NEO1: variants seen among roughly 807,000 people sequenced by gnomAD.
NEO1 encodes the protein neogenin.
A neutral mutation model predicts 159.7 loss-of-function variants in NEO1; 63 were observed. The observed-to-expected ratio is 0.39, with a 90% CI of 0.32 to 0.49. NEO1 has a LOEUF of 0.49. NEO1 is among the 20% of genes least tolerant of loss of function. The pLI is 0.85. For synonymous variants in NEO1, 633 were observed against 662.0 expected (o/e 0.96, Z 0.67); for missense variants, 1,615 against 1,831.0 (o/e 0.88, Z 2.15).
chr15:73,149,980 C>T (rs2033243711), intron 5 of NEO1, among the ~76,000 whole-genome samples: 1 of 152,138 alleles, frequency 6.6e-6, no homozygotes, highest in East Asian at 1.9e-4. Flanking sequence ...TAGGTTTGTA[C>T]CCATTTACCA....
In NEO1 at chr15:73,265,575, G is replaced by C. The variant is rs185938561; in HGVS notation, c.2399-741G>C. ...GCACATGTGTATTATGGTTGCTCTT[G>C]CCCCTTTTCCCAATCTCAGTGAATG... On this transcript the variant is annotated intron_variant, in intron 15 of 28. Coordinates refer to ENST00000261908, the MANE Select transcript of NEO1 (RefSeq NM_002499.4). 2.9e-4 allele frequency among the ~76,000 whole-genome samples: 44 copies of C among 152,310 alleles called. No individual in the cohort carries two copies. The East Asian group carries it at 7.1e-3, about 25-fold the overall frequency.
intron 7 of NEO1, among the ~76,000 whole-genome samples, chr15:73,211,749 G>A (rs189151688): frequency 1.8e-3 from 250 of 141,940 alleles, no homozygotes; most frequent in African/African-American, 5.9e-3. Flanking sequence ...TGGAATTTGT[G>A]CAGCAGGCTA....
At chr15:73,119,783 ACATTTTAAAAATTATTAATTTT>A (rs2071526640) in intron 2 of NEO1, among the ~76,000 whole-genome samples, 1 of 152,204 alleles carries the variant, frequency 6.6e-6, no homozygotes, top group Admixed American at 6.5e-5. Flanking sequence ...TTGTGAGCTT[ACATTTTAAAAATTATTAATTTT>A]CATGAGACCT....
At chr15:73,247,247 C>A in intron 9 of NEO1, among the ~76,000 whole-genome samples, 1 of 152,060 alleles carries the variant, frequency 6.6e-6, no homozygotes, top group African/African-American at 2.4e-5. Context: ...AATGTTGGAA[C>A]CAGCCCTTGG....
chr15:73,102,624 A>G (rs909022109), intron 1 of NEO1, among the ~76,000 whole-genome samples: 5 of 152,080 alleles, frequency 3.3e-5, no homozygotes, highest in African/African-American at 1.2e-4. Context: ...CCTTTCTGAT[A>G]TATTCCTTTG....
chr15:73,096,248 A>T (rs2070026202), intron 1 of NEO1, among the ~76,000 whole-genome samples: 1 of 152,220 alleles, frequency 6.6e-6, no homozygotes, highest in African/African-American at 2.4e-5. Context: ...CACAATTATG[A>T]CTGAAGAAGT....
At chr15:73,244,784 C>G (rs2039668896) in intron 9 of NEO1, among the ~76,000 whole-genome samples, 1 of 151,560 alleles carries the variant, frequency 6.6e-6, no homozygotes. Context: ...AACCCCATCT[C>G]TACTAAAAAT....
At position 73,052,668 on chromosome 15, in the gene NEO1, G is replaced by C; in HGVS notation, c.-8G>C. On this transcript the variant is annotated 5_prime_UTR_variant, in exon 1 of 29. Coordinates refer to ENST00000261908, the MANE Select transcript of NEO1 (RefSeq NM_002499.4). ...TCGCCGCCGCTGCCGCTCACTCTCGGGGAAGAGATGGCGGCGGAGCGGGGA... is the reference window on the plus strand; with the variant it reads ...TCGCCGCCGCTGCCGCTCACTCTCGCGGAAGAGATGGCGGCGGAGCGGGGA... 1.5e-6 allele frequency: 2 copies of C among 1,334,078 alleles called. No homozygotes were observed. Among genetic ancestry groups the C allele is most frequent in the South Asian group, 1.6e-5 (1 of 60,742 alleles). The allele number at this position is 1,334,078 out of a possible 1,614,324, so 82.6% of individuals were successfully genotyped here. A position where few individuals can be genotyped will look rare whatever the true frequency, so the allele number is the denominator to read the frequency against.
intron 1 of NEO1, among the ~76,000 whole-genome samples, chr15:73,068,576 T>C (rs2068357065): frequency 6.6e-6 from 1 of 152,180 alleles, no homozygotes; most frequent in Non-Finnish European, 1.5e-5. Flanking sequence ...CCAGCCTTTT[T>C]TCTTGGAGGT....
chr15:73,192,304 A>G lies in NEO1; in HGVS notation c.1291+13877A>G, dbSNP rs138387240. On this transcript the variant is annotated intron_variant, in intron 7 of 28. Coordinates refer to ENST00000261908, the MANE Select transcript of NEO1 (RefSeq NM_002499.4). ...ACTTTTTATTTGCAGAAGTGAAATCATATTTTTCTGTGACTTTTGAAAACA... is the reference window on the plus strand; with the variant it reads ...ACTTTTTATTTGCAGAAGTGAAATCGTATTTTTCTGTGACTTTTGAAAACA... Among the ~76,000 whole-genome samples, 133 of 152,146 alleles carry G rather than the reference A, an allele frequency of 8.7e-4. 3 individuals are homozygous for G. The East Asian group carries it at 0.023, about 26-fold the overall frequency.
intron 23 of NEO1, among the ~76,000 whole-genome samples, chr15:73,287,997 G>A (rs925947827): frequency 6.6e-6 from 1 of 151,950 alleles, no homozygotes; most frequent in African/African-American, 2.4e-5. Flanking sequence ...GAACCTTCTG[G>A]TTATGAGATT....
intron 7 of NEO1, among the ~76,000 whole-genome samples, chr15:73,196,341 A>G (rs900378015): frequency 1.3e-4 from 20 of 152,202 alleles, no homozygotes; most frequent in African/African-American, 4.6e-4. Context: ...TATATAAGTC[A>G]TTTGTTGAAA....
At chr15:73,285,678 A>G (rs1447841445) in intron 23 of NEO1, among the ~76,000 whole-genome samples, 2 of 152,182 alleles carry the variant, frequency 1.3e-5, no homozygotes, top group East Asian at 1.9e-4. Context: ...CTCAAAGTTG[A>G]TAGAGCATTT....
chr15:73,212,593 G>A (rs893251463), intron 7 of NEO1, among the ~76,000 whole-genome samples: 7 of 152,112 alleles, frequency 4.6e-5, no homozygotes, highest in African/African-American at 1.7e-4. Flanking sequence ...ACAGTATTTG[G>A]CATCATTTCT....
intron 26 of NEO1, 110 bp from the exon 27 acceptor site, chr15:73,298,238 C>T (rs2292915): frequency 0.34 from 447,415 of 1,314,102 alleles, 77,705 homozygotes; most frequent in East Asian, 0.54. Flanking sequence ...TAGCACTGAT[C>T]GCAAGTGCTA....
rs532243098 is a variant in NEO1, at chr15:73,234,735, GA to G, written c.1292-1603del. 3.2e-3 allele frequency among the ~76,000 whole-genome samples: 476 copies of G among 150,710 alleles called. 3 individuals carry two copies. The highest frequency in any genetic ancestry group is 0.011 in the African/African-American group (450 of 41,118). On this transcript the variant is annotated intron_variant, in intron 7 of 28. Transcript: ENST00000261908. ...TCTTAAAAGCACTACCAAGGGAGGA[GA>G]AAAAAAAAGGGAGCATGAGAGAGAA...
chr15:73,227,485 A>G (rs1333147225), intron 7 of NEO1, among the ~76,000 whole-genome samples: 2 of 152,120 alleles, frequency 1.3e-5, no homozygotes, highest in Admixed American at 1.3e-4. Flanking sequence ...AACAGACTCC[A>G]TCTCAAAAAC....
chr15:73,112,902 A>G (rs141720303), intron 1 of NEO1, among the ~76,000 whole-genome samples: 2 of 152,160 alleles, frequency 1.3e-5, no homozygotes, highest in South Asian at 4.1e-4. Context: ...GTGAGTAGGC[A>G]TCTCATTTTT....
chr15:73,070,790 A>G (rs1164052728), intron 1 of NEO1, among the ~76,000 whole-genome samples: 1 of 152,194 alleles, frequency 6.6e-6, no homozygotes, highest in Non-Finnish European at 1.5e-5. Context: ...TCTCTGTCTC[A>G]CAGATTATCT....
Sources: gnomAD v4.1 joint callset for allele counts (sites outside exome capture counted in the v4.1 genomes callset) on GRCh38, gnomAD v4.1.1 for gene constraint, MANE v1.5 for transcripts, NCBI Gene and HGNC (gene_info 2026-07-23, HGNC 2026-07-21) for gene names.